IRAK3: variants seen among roughly 807,000 people sequenced by gnomAD.
IRAK3 encodes interleukin 1 receptor associated kinase 3, also known as interleukin-1 receptor-associated kinase 3.
IRAK3 carries 57 observed loss-of-function variants against 56.6 expected under a neutral mutation model. The observed-to-expected ratio is 1.01, with a 90% CI of 0.81 to 1.26. The LOEUF (loss-of-function observed/expected upper bound fraction) is 1.26. Among genes scored for constraint, IRAK3 ranks in the 50% most tolerant of loss-of-function variants. The pLI, the probability that IRAK3 is intolerant of heterozygous loss-of-function variation, is 0.00. For missense variants in IRAK3, 703 were observed against 719.0 expected (o/e 0.98, Z 0.25); for synonymous variants, 258 against 255.7 (o/e 1.01, Z -0.09).
At chr12:66,210,297 C>A in intron 4 of IRAK3, 96 bp downstream of exon 4, 2 of 707,670 alleles carry the variant, frequency 2.8e-6, no homozygotes, top group Non-Finnish European at 5.0e-6. Flanking sequence ...ACACAATAAT[C>A]ATTTATATTC....
intron 8 of IRAK3, 37 bp from the exon 9 acceptor site, chr12:66,244,449 G>T: frequency 6.7e-7 from 1 of 1,501,360 alleles, no homozygotes; most frequent in South Asian, 1.1e-5. Context: ...GTGCCTTTAT[G>T]ATATTTTGTC....
At chr12:66,202,114 T>C (rs2052513555) in intron 1 of IRAK3, among the ~76,000 whole-genome samples, 1 of 152,108 alleles carries the variant, frequency 6.6e-6, no homozygotes, top group African/African-American at 2.4e-5. Flanking sequence ...AAGAATAAAG[T>C]TACAAATGAG....
chr12:66,224,727 G>A (rs978987212), intron 6 of IRAK3, among the ~76,000 whole-genome samples: 9 of 152,118 alleles, frequency 5.9e-5, no homozygotes, highest in Non-Finnish European at 1.0e-4. Context: ...AAAGGAACAG[G>A]CTCAGAGCGA....
chr12:66,219,282 G>A (rs762989618), intron 6 of IRAK3, among the ~76,000 whole-genome samples: 6 of 152,212 alleles, frequency 3.9e-5, no homozygotes, highest in South Asian at 2.1e-4. Flanking sequence ...GTTCCCATGT[G>A]TTGTGAGAGG....
At chr12:66,247,653 A>T (rs2136955320) in intron 11 of IRAK3, 42 bp from the exon 12 acceptor site, 1 of 1,217,306 alleles carries the variant, frequency 8.2e-7, no homozygotes. Context: ...AGGAAAGATT[A>T]TTCAAACTTA....
intron 8 of IRAK3, among the ~76,000 whole-genome samples, chr12:66,241,070 G>T (rs2052964596): frequency 6.6e-6 from 1 of 151,980 alleles, no homozygotes; most frequent in Admixed American, 6.6e-5. Context: ...TTGTTTGGGG[G>T]ATTCAGGTCC....
At chr12:66,191,308 T>C (rs2136908833) in intron 1 of IRAK3, among the ~76,000 whole-genome samples, 1 of 152,344 alleles carries the variant, frequency 6.6e-6, no homozygotes, top group Non-Finnish European at 1.5e-5. Context: ...CCTGGCCATT[T>C]GAGACAGGTT....
intron 1 of IRAK3, among the ~76,000 whole-genome samples, chr12:66,198,627 T>G (rs1454785578): frequency 6.6e-6 from 1 of 152,110 alleles, no homozygotes; most frequent in African/African-American, 2.4e-5. Context: ...GCAGGAACGA[T>G]TTTAGCTTAC....
Position 66,254,577 on chromosome 12 carries a change from A to G in IRAK3, c.*6406A>G, listed in dbSNP as rs2053136640. ...GTGTTTGAAACTTTTTATAATGAAC[A>G]TATATCATTTTTATTAGAAAAGAAT... is the stretch of plus-strand genomic sequence containing the variant. On this transcript the variant is annotated 3_prime_UTR_variant, in exon 12 of 12. Transcript: ENST00000261233. 6.6e-6 allele frequency: 1 copy of G among 151,780 alleles called. No homozygotes were observed. The highest frequency in any genetic ancestry group is 6.6e-5 in the Admixed American group (1 of 15,258). 9.4% of individuals were successfully genotyped at this position (151,780 alleles called of 1,614,324 possible).
At chr12:66,193,158 C>T (rs1241952323) in intron 1 of IRAK3, among the ~76,000 whole-genome samples, 1 of 151,960 alleles carries the variant, frequency 6.6e-6, no homozygotes, top group Non-Finnish European at 1.5e-5. Flanking sequence ...CAGGCATGCA[C>T]CACCATGCCC....
chr12:66,220,665 C>T (rs867782844), intron 6 of IRAK3, among the ~76,000 whole-genome samples: 50 of 150,088 alleles, frequency 3.3e-4, no homozygotes, highest in South Asian at 1.3e-3. Flanking sequence ...GGACTACAGG[C>T]GCCCGCCACT....
chr12:66,225,850 A>C (rs1394158516), intron 6 of IRAK3, among the ~76,000 whole-genome samples: 3 of 152,350 alleles, frequency 2.0e-5, no homozygotes, highest in African/African-American at 7.2e-5. Context: ...ATATGGATTT[A>C]GACAATAATG....
chr12:66,249,819 C>T lies in IRAK3; in HGVS notation c.*1648C>T, dbSNP rs1423759760. 6.6e-6 allele frequency: 1 copy of T among 152,172 alleles called. No homozygotes were observed. Among genetic ancestry groups the T allele is most frequent in the Non-Finnish European group, 1.5e-5 (1 of 68,034 alleles). The allele number at this position is 152,172 out of a possible 1,614,324, so 9.4% of individuals were successfully genotyped here. A position where few individuals can be genotyped will look rare whatever the true frequency, so the allele number is the denominator to read the frequency against. On this transcript the variant is annotated 3_prime_UTR_variant, in exon 12 of 12. Transcript: ENST00000261233. Reference sequence around the variant, plus strand: ...TCTTTTATAAAGACCTTTGTGATTTCACTGGGCCCACTCATATAAGCCAGG... The same window carrying T: ...TCTTTTATAAAGACCTTTGTGATTTTACTGGGCCCACTCATATAAGCCAGG...
At chr12:66,201,975 A>G (rs1376761341) in intron 1 of IRAK3, among the ~76,000 whole-genome samples, 2 of 152,236 alleles carry the variant, frequency 1.3e-5, no homozygotes, top group African/African-American at 4.8e-5. Flanking sequence ...AAGGACAGAA[A>G]TAATTATTGT....
chr12:66,194,194 A>G (rs905004183), intron 1 of IRAK3, among the ~76,000 whole-genome samples: 3 of 152,152 alleles, frequency 2.0e-5, no homozygotes, highest in African/African-American at 7.2e-5. Context: ...GATGTGAGCC[A>G]CCGCTCCCAG....
chr12:66,227,079 T>C (rs2052794728), intron 7 of IRAK3, among the ~76,000 whole-genome samples: 6 of 152,234 alleles, frequency 3.9e-5, no homozygotes, highest in Admixed American at 3.9e-4. Context: ...TTACTCATTA[T>C]ATGGTAAGAA....
intron 11 of IRAK3, among the ~76,000 whole-genome samples, chr12:66,247,183 T>C (rs1309096386): frequency 6.6e-6 from 1 of 152,114 alleles, no homozygotes; most frequent in African/African-American, 2.4e-5. Context: ...GGCAGGAGGA[T>C]TGCCTGAACC....
At chr12:66,229,482 G>A (rs1046307848) in intron 8 of IRAK3, among the ~76,000 whole-genome samples, 1 of 152,104 alleles carries the variant, frequency 6.6e-6, no homozygotes, top group Admixed American at 6.5e-5. Context: ...CTTTTGACTT[G>A]GGCAGAAAAG....
chr12:66,212,881 G>T (rs183688162), intron 5 of IRAK3, among the ~76,000 whole-genome samples: 1 of 152,162 alleles, frequency 6.6e-6, no homozygotes, highest in Admixed American at 6.5e-5. Flanking sequence ...GGGCCTGTTG[G>T]GGGGTTGGGG....
Sources: allele counts gnomAD v4.1 joint callset (sites outside exome capture counted in the v4.1 genomes callset), GRCh38; gene constraint gnomAD v4.1.1; transcripts MANE v1.5; gene names NCBI Gene and HGNC (gene_info 2026-07-23, HGNC 2026-07-21).